Variants in PRKCA observed in about 807,000 individuals in gnomAD.
The protein encoded by PRKCA is protein kinase C alpha, also known as protein kinase C alpha type.
A neutral mutation model predicts 87.0 loss-of-function variants in PRKCA; 27 were observed. The ratio of observed to expected loss-of-function variants is 0.31; its 90% CI spans 0.23 to 0.43. PRKCA has a LOEUF of 0.43. Among genes scored for constraint, PRKCA ranks in the 20% least tolerant of loss-of-function variants. The pLI is 1.00. For synonymous variants in PRKCA, 329 were observed against 311.1 expected, an observed-to-expected ratio of 1.06 and a Z score of -0.61; for missense variants, 518 against 852.3, an observed-to-expected ratio of 0.61 and a Z score of 4.88.
intron 2 of PRKCA, among the ~76,000 whole-genome samples, chr17:66,332,386 G>A (rs1906384526): frequency 6.6e-6 from 1 of 151,516 alleles, no homozygotes; most frequent in South Asian, 2.1e-4. Flanking sequence ...TACCACCATG[G>A]CCAGCTAATT....
At chr17:66,554,853 G>A (rs188003387) in intron 3 of PRKCA, among the ~76,000 whole-genome samples, 1 of 149,884 alleles carries the variant, frequency 6.7e-6, no homozygotes, top group East Asian at 1.9e-4. Context: ...GTGATTCCAC[G>A]TTGTCACCTT....
At position 66,528,398 on chromosome 17, in the gene PRKCA, C is replaced by T. The variant is rs949933127; in HGVS notation, c.288+32115C>T. 2.6e-5 allele frequency among the ~76,000 whole-genome samples: 4 copies of T among 152,158 alleles called. No individual in the cohort carries two copies. In the South Asian group the frequency reaches 6.2e-4, roughly 24 times the overall value. Reference sequence around the variant, plus strand: ...TTCCTACATGGAAAAGAGCATAATGCAGATGTGATTAAGTTAAGGGTCTCG... The same window carrying T: ...TTCCTACATGGAAAAGAGCATAATGTAGATGTGATTAAGTTAAGGGTCTCG... On this transcript the variant is annotated intron_variant, in intron 3 of 16. Coordinates refer to ENST00000413366, the MANE Select transcript of PRKCA (RefSeq NM_002737.3).
At chr17:66,781,380 G>A (rs1975207157) in intron 14 of PRKCA, among the ~76,000 whole-genome samples, 2 of 152,212 alleles carry the variant, frequency 1.3e-5, no homozygotes, top group African/African-American at 4.8e-5. Flanking sequence ...GACTGTGATG[G>A]CAGCTGCTCC....
chr17:66,799,310 GTGGTGGTGA>G (rs1975809034), intron 16 of PRKCA, among the ~76,000 whole-genome samples: 1 of 19,504 alleles, frequency 5.1e-5, no homozygotes, highest in African/African-American at 1.9e-4. Flanking sequence ...GGTGATGGTG[GTGGTGGTGA>G]TGGTGGTGGT....
chr17:66,592,534 C>A (rs563915793), intron 3 of PRKCA, among the ~76,000 whole-genome samples: 1 of 152,198 alleles, frequency 6.6e-6, no homozygotes, highest in African/African-American at 2.4e-5. Context: ...TTCGCCGGTG[C>A]GTCCAAGGAA....
chr17:66,710,539 C>T (rs1309482362), intron 8 of PRKCA, among the ~76,000 whole-genome samples: 3 of 152,062 alleles, frequency 2.0e-5, no homozygotes, highest in African/African-American at 4.8e-5. Context: ...TTGTGGCTCC[C>T]GGGCCTCAGC....
At chr17:66,725,071 C>T (rs983948095) in intron 8 of PRKCA, among the ~76,000 whole-genome samples, 1 of 152,318 alleles carries the variant, frequency 6.6e-6, no homozygotes. Context: ...TTTCAGCTTG[C>T]TGGCCTGGCT....
intron 2 of PRKCA, among the ~76,000 whole-genome samples, chr17:66,484,113 C>T (rs760300846): frequency 2.0e-5 from 3 of 152,196 alleles, no homozygotes; most frequent in East Asian, 3.9e-4. Context: ...GAGAGCCAAG[C>T]GAAAGGGGAA....
chr17:66,328,495 G>A (rs1368671450), intron 2 of PRKCA, among the ~76,000 whole-genome samples: 1 of 152,002 alleles, frequency 6.6e-6, no homozygotes, highest in African/African-American at 2.4e-5. Flanking sequence ...AACATTGTGT[G>A]TTCTAGAAAC....
intron 3 of PRKCA, among the ~76,000 whole-genome samples, chr17:66,616,085 C>T (rs961769868): frequency 8.5e-5 from 13 of 152,190 alleles, no homozygotes; most frequent in Non-Finnish European, 1.6e-4. Flanking sequence ...GACAAACAGA[C>T]GCCTTTTTAA....
At chr17:66,579,919 C>T (rs963326175) in intron 3 of PRKCA, among the ~76,000 whole-genome samples, 4 of 152,062 alleles carry the variant, frequency 2.6e-5, no homozygotes, top group Non-Finnish European at 4.4e-5. Flanking sequence ...TCACTTGGTG[C>T]TTTCTCCTTG....
At chr17:66,435,620 A>G (rs1598668778) in intron 2 of PRKCA, among the ~76,000 whole-genome samples, 1 of 152,168 alleles carries the variant, frequency 6.6e-6, no homozygotes, top group Non-Finnish European at 1.5e-5. Flanking sequence ...TGGTGGGGAG[A>G]AAAAGTGTTA....
At chr17:66,702,755 G>A (rs1447068812) in intron 8 of PRKCA, among the ~76,000 whole-genome samples, 2 of 152,130 alleles carry the variant, frequency 1.3e-5, no homozygotes, top group East Asian at 1.9e-4. Context: ...ATCACTAAGA[G>A]ATTTCATCAT....
intron 2 of PRKCA, among the ~76,000 whole-genome samples, chr17:66,378,640 C>T (rs930372828): frequency 1.6e-4 from 24 of 152,158 alleles, no homozygotes; most frequent in African/African-American, 4.6e-4. Flanking sequence ...AGTCTCACGC[C>T]TGTAATCCTA....
chr17:66,550,967 C>T (rs1405281795), intron 3 of PRKCA, among the ~76,000 whole-genome samples: 1 of 152,198 alleles, frequency 6.6e-6, no homozygotes, highest in Non-Finnish European at 1.5e-5. Context: ...ACATGAGTTA[C>T]ATGGGCGTTT....
At position 66,645,544 on chromosome 17, in the gene PRKCA, G is replaced by A. The variant is rs201485673; in HGVS notation, c.529+33G>A. On this transcript the variant is annotated intron_variant, in intron 5 of 16. Transcript: ENST00000413366. ...TTGCTCATCCCGGAGCAGCATCGTG[G>A]GCAGGCATTTGGATGAAGGTTACAC... The A allele has an allele frequency of 5.6e-4, 910 of 1,613,318 alleles. 2 individuals carry two copies. The highest frequency in any genetic ancestry group is 6.9e-4 in the Non-Finnish European group (815 of 1,179,458).
At chr17:66,449,701 CA>C (rs1914213265) in intron 2 of PRKCA, among the ~76,000 whole-genome samples, 1 of 152,166 alleles carries the variant, frequency 6.6e-6, no homozygotes, top group Non-Finnish European at 1.5e-5. Context: ...CAGACCAGGA[CA>C]GGGGGCTGGC....
At chr17:66,349,440 G>A (rs889030963) in intron 2 of PRKCA, among the ~76,000 whole-genome samples, 1 of 152,184 alleles carries the variant, frequency 6.6e-6, no homozygotes, top group Admixed American at 6.5e-5. Context: ...GGCCTGCTGT[G>A]TAGACCTGGC....
At chr17:66,589,768 T>G (rs981834488) in intron 3 of PRKCA, among the ~76,000 whole-genome samples, 8 of 152,164 alleles carry the variant, frequency 5.3e-5, no homozygotes, top group African/African-American at 1.9e-4. Context: ...TGTCAGGGGC[T>G]CATGGTCTAG....
Sources: gnomAD v4.1 joint callset for allele counts (sites outside exome capture counted in the v4.1 genomes callset) on GRCh38, gnomAD v4.1.1 for gene constraint, MANE v1.5 for transcripts, NCBI Gene and HGNC (gene_info 2026-07-23, HGNC 2026-07-21) for gene names.